BMPR1A: variants seen among roughly 807,000 people sequenced by gnomAD.
BMPR1A encodes bone morphogenetic protein receptor type 1A.
In BMPR1A, 7 loss-of-function variants were observed where a neutral mutation model predicts 66.0. The ratio of observed to expected loss-of-function variants is 0.11; its 90% CI spans 0.06 to 0.20. The LOEUF is 0.20. Among genes scored for constraint, BMPR1A ranks in the 10% least tolerant of loss-of-function variants. The pLI, the probability that BMPR1A is intolerant of heterozygous loss-of-function variation, is 1.00. For missense variants in BMPR1A, 408 were observed against 669.1 expected (o/e 0.61, Z 4.31); for synonymous variants, 200 against 229.7 (o/e 0.87, Z 1.17).
intron 7 of BMPR1A, 40 bp from the exon 8 acceptor site, chr10:86,912,200 T>C (rs1451204862): frequency 6.2e-7 from 1 of 1,608,428 alleles, no homozygotes; most frequent in South Asian, 1.1e-5. Flanking sequence ...TTTTATAGTT[T>C]TTCATTTTTA....
At chr10:86,910,279 A>G (rs962071954) in intron 7 of BMPR1A, among the ~76,000 whole-genome samples, 8 of 152,210 alleles carry the variant, frequency 5.3e-5, no homozygotes, top group Non-Finnish European at 1.0e-4. Flanking sequence ...CAAAGCTTGC[A>G]GTGAGCTGAG....
At chr10:86,845,359 T>G (rs1479936124) in intron 2 of BMPR1A, among the ~76,000 whole-genome samples, 2 of 149,062 alleles carry the variant, frequency 1.3e-5, no homozygotes, top group African/African-American at 4.9e-5. Flanking sequence ...ACAGGGAGCC[T>G]GAGACATGCA....
chr10:86,866,607 ACTATGTTG>A (rs2133266689), intron 2 of BMPR1A, among the ~76,000 whole-genome samples: 1 of 150,258 alleles, frequency 6.7e-6, no homozygotes, highest in African/African-American at 2.4e-5. Context: ...ACAGGGTTTT[ACTATGTTG>A]GCCAGGCTGG....
At chr10:86,807,635 A>C (rs958708382) in intron 1 of BMPR1A, among the ~76,000 whole-genome samples, 2 of 151,950 alleles carry the variant, frequency 1.3e-5, no homozygotes, top group African/African-American at 4.8e-5. Flanking sequence ...CTCCTACCTC[A>C]GTCTCCCAAA....
At chr10:86,788,767 C>G (rs956199725) in intron 1 of BMPR1A, among the ~76,000 whole-genome samples, 1 of 151,902 alleles carries the variant, frequency 6.6e-6, no homozygotes, top group East Asian at 1.9e-4. Flanking sequence ...GCACCATGCC[C>G]GGCTTATTTT....
intron 2 of BMPR1A, among the ~76,000 whole-genome samples, chr10:86,849,419 G>A (rs1442936276): frequency 6.6e-6 from 1 of 152,128 alleles, no homozygotes; most frequent in Admixed American, 6.5e-5. Context: ...TTTGATGAAG[G>A]CTTATCTGAT....
chr10:86,880,551 C>G (rs1400918616), intron 3 of BMPR1A, among the ~76,000 whole-genome samples: 1 of 152,168 alleles, frequency 6.6e-6, no homozygotes, highest in Non-Finnish European at 1.5e-5. Flanking sequence ...CCACCGTGTA[C>G]TCACTCAGTA....
intron 1 of BMPR1A, among the ~76,000 whole-genome samples, chr10:86,830,024 A>G (rs1162507898): frequency 2.0e-5 from 3 of 152,148 alleles, no homozygotes; most frequent in Non-Finnish European, 4.4e-5. Flanking sequence ...AGTGTCTTAC[A>G]GTGGGTGGGG....
At chr10:86,894,478 A>T (rs1449161068) in intron 5 of BMPR1A, among the ~76,000 whole-genome samples, 1 of 152,238 alleles carries the variant, frequency 6.6e-6, no homozygotes, top group Non-Finnish European at 1.5e-5. Flanking sequence ...AAGCACACAT[A>T]CTATACATTT....
chr10:86,808,552 T>C (rs902917775), intron 1 of BMPR1A, among the ~76,000 whole-genome samples: 6 of 152,226 alleles, frequency 3.9e-5, no homozygotes, highest in Non-Finnish European at 5.9e-5. Context: ...TTTGAAGCAA[T>C]GGCCTGAGTT....
chr10:86,796,017 A>G (rs1483154294), intron 1 of BMPR1A, among the ~76,000 whole-genome samples: 2 of 152,176 alleles, frequency 1.3e-5, no homozygotes, highest in East Asian at 3.8e-4. Flanking sequence ...AAAGTCCCCA[A>G]AGCAGTTACA....
At chr10:86,772,569 GAAGA>G (rs1841282058) in intron 1 of BMPR1A, among the ~76,000 whole-genome samples, 1 of 152,088 alleles carries the variant, frequency 6.6e-6, no homozygotes, top group Admixed American at 6.5e-5. Flanking sequence ...GAGAGAACAA[GAAGA>G]AAAAGAGAGT....
chr10:86,860,254 GTATC>G (rs1363345021), intron 2 of BMPR1A, among the ~76,000 whole-genome samples: 5 of 151,970 alleles, frequency 3.3e-5, no homozygotes, highest in African/African-American at 1.2e-4. Flanking sequence ...AGAACTACAA[GTATC>G]TATCATGGAA....
At chr10:86,776,191 G>A (rs374885183) in intron 1 of BMPR1A, among the ~76,000 whole-genome samples, 4 of 152,240 alleles carry the variant, frequency 2.6e-5, no homozygotes, top group East Asian at 1.9e-4. Flanking sequence ...ATAGTAATAC[G>A]TTTGTTCTTT....
At chr10:86,855,682 C>T in intron 2 of BMPR1A, 1 of 715,362 alleles carries the variant, frequency 1.4e-6, no homozygotes, top group Non-Finnish European at 2.5e-6. Flanking sequence ...TGCCTAACTG[C>T]TCAGTGACAT....
chr10:86,865,737 T>C (rs144512996), intron 2 of BMPR1A, among the ~76,000 whole-genome samples: 10 of 152,354 alleles, frequency 6.6e-5, no homozygotes, highest in Non-Finnish European at 1.5e-4. Flanking sequence ...TTTTGAAGGA[T>C]TGTCCCTGCA....
intron 8 of BMPR1A, among the ~76,000 whole-genome samples, 184 bp from the exon 9 acceptor site, chr10:86,916,950 G>A (rs1237136939): frequency 6.6e-6 from 1 of 151,554 alleles, no homozygotes; most frequent in African/African-American, 2.4e-5. Context: ...CCGAGATCGC[G>A]CCACTGCACT....
chr10:86,854,188 C>A (rs1041889782), intron 2 of BMPR1A, among the ~76,000 whole-genome samples: 1 of 152,194 alleles, frequency 6.6e-6, no homozygotes, highest in African/African-American at 2.4e-5. Flanking sequence ...TGGCTCTGTT[C>A]CGCCCGGCTC....
chr10:86,803,178 A>C (rs374114421), intron 1 of BMPR1A, among the ~76,000 whole-genome samples: 9 of 152,320 alleles, frequency 5.9e-5, no homozygotes, highest in African/African-American at 2.2e-4. Flanking sequence ...TCTAAAGCAC[A>C]ACATAATTGT....
Sources: gnomAD v4.1 joint callset for allele counts (sites outside exome capture counted in the v4.1 genomes callset) on GRCh38, gnomAD v4.1.1 for gene constraint, MANE v1.5 for transcripts, NCBI Gene and HGNC (gene_info 2026-07-23, HGNC 2026-07-21) for gene names.